Variants in LRBA observed in about 807,000 individuals in gnomAD.
The protein encoded by LRBA is lipopolysaccharide-responsive and beige-like anchor protein.
A neutral mutation model predicts 330.0 loss-of-function variants in LRBA; 176 were observed. The observed-to-expected ratio is 0.53, with a 90% CI of 0.47 to 0.60. LRBA has a LOEUF of 0.60. Ranked by LOEUF, LRBA falls within the 20% of genes least tolerant of loss-of-function variation. The pLI, the probability that LRBA is intolerant of heterozygous loss-of-function variation, is 0.00. For synonymous variants in LRBA, 1,230 were observed against 1,193.0 expected, an observed-to-expected ratio of 1.03 and a Z score of -0.64; for missense variants, 3,259 against 3,444.8, an observed-to-expected ratio of 0.95 and a Z score of 1.35.
At chr4:150,771,765 G>A (rs941232985) in intron 34 of LRBA, among the ~76,000 whole-genome samples, 1 of 152,188 alleles carries the variant, frequency 6.6e-6, no homozygotes, top group African/African-American at 2.4e-5. Flanking sequence ...TGGAAGTTCA[G>A]GTTGCTGAGT....
Position 150,785,038 on chromosome 4 carries a change from A to C in LRBA, c.5580+13043T>G, listed in dbSNP as rs558441330. Among the ~76,000 whole-genome samples, 195 of 152,326 alleles carry C rather than the reference A, an allele frequency of 1.3e-3. 1 individual carries two copies. The highest frequency in any genetic ancestry group is 2.5e-3 in the Admixed American group (38 of 15,304). On this transcript the variant is annotated intron_variant, in intron 34 of 56. Transcript: ENST00000651943. ...ATAGAGAAAAAATCGTTCATGCAGA[A>C]CCTGCTGTGCGTGAGATAAGAGTTT...
At chr4:150,742,475 A>G (rs936311683) in intron 35 of LRBA, among the ~76,000 whole-genome samples, 1 of 152,144 alleles carries the variant, frequency 6.6e-6, no homozygotes, top group Non-Finnish European at 1.5e-5. Context: ...TTTATATAAC[A>G]AAAGTGGCTA....
At chr4:150,626,635 A>G (rs1326919151) in intron 37 of LRBA, among the ~76,000 whole-genome samples, 2 of 152,172 alleles carry the variant, frequency 1.3e-5, no homozygotes, top group African/African-American at 4.8e-5. Flanking sequence ...ACTAATTTAT[A>G]GAAAAAAATG....
chr4:150,919,671 C>T (rs1016915777), intron 5 of LRBA, among the ~76,000 whole-genome samples: 2 of 152,100 alleles, frequency 1.3e-5, no homozygotes, highest in Non-Finnish European at 2.9e-5. Flanking sequence ...ATATTCAGTG[C>T]GTACACATGT....
chr4:150,812,483 T>G (rs1457316770), intron 31 of LRBA, among the ~76,000 whole-genome samples: 2 of 152,206 alleles, frequency 1.3e-5, no homozygotes, highest in African/African-American at 2.4e-5. Context: ...CAAATGCCAA[T>G]TTTTAACCCC....
chr4:150,429,012 G>C (rs934007626), intron 46 of LRBA, among the ~76,000 whole-genome samples: 3 of 152,024 alleles, frequency 2.0e-5, no homozygotes, highest in Non-Finnish European at 4.4e-5. Flanking sequence ...GTAGATTGTA[G>C]GGATAAACCA....
chr4:150,995,212 C>G (rs1202072305), intron 2 of LRBA, among the ~76,000 whole-genome samples: 1 of 151,910 alleles, frequency 6.6e-6, no homozygotes, highest in Non-Finnish European at 1.5e-5. Flanking sequence ...TCGAGAGATT[C>G]TGGGTTGGAA....
chr4:150,611,683 T>C (rs1044296494), intron 37 of LRBA, among the ~76,000 whole-genome samples: 3 of 152,210 alleles, frequency 2.0e-5, no homozygotes, highest in Admixed American at 6.5e-5. Context: ...TACAAGGCTC[T>C]ATCGCTTTTC....
At chr4:150,742,731 A>AT (rs1732186738) in intron 35 of LRBA, among the ~76,000 whole-genome samples, 1 of 152,038 alleles carries the variant, frequency 6.6e-6, no homozygotes, top group African/African-American at 2.4e-5. Flanking sequence ...CTACAAAAAA[A>AT]CACCAAAAAC....
At chr4:150,934,779 C>A (rs1159570074) in intron 2 of LRBA, among the ~76,000 whole-genome samples, 2 of 152,052 alleles carry the variant, frequency 1.3e-5, no homozygotes, top group Non-Finnish European at 2.9e-5. Context: ...GAGGCCGAGG[C>A]GGGCAAATTA....
chr4:150,540,523 G>T (rs1433885980), intron 40 of LRBA, among the ~76,000 whole-genome samples: 2 of 152,210 alleles, frequency 1.3e-5, no homozygotes, highest in East Asian at 3.9e-4. Context: ...TAAAAATGAA[G>T]ATTTTAAGGC....
chr4:150,783,490 C>A (rs192899085), intron 34 of LRBA, among the ~76,000 whole-genome samples: 129 of 152,244 alleles, frequency 8.5e-4, no homozygotes, highest in African/African-American at 2.9e-3. Flanking sequence ...TGATACACTG[C>A]AACAAGAATA....
intron 36 of LRBA, among the ~76,000 whole-genome samples, chr4:150,709,087 C>T (rs1785927096): frequency 6.6e-6 from 1 of 151,676 alleles, no homozygotes; most frequent in Admixed American, 6.6e-5. Flanking sequence ...CACAATAAAC[C>T]TTTTATTAAC....
chr4:150,361,375 T>A (rs1440626344), intron 47 of LRBA, among the ~76,000 whole-genome samples: 1 of 152,218 alleles, frequency 6.6e-6, no homozygotes, highest in Non-Finnish European at 1.5e-5. Context: ...TATTTATGTT[T>A]CCTTACCTCC....
At chr4:150,268,759 T>TAAAC (rs1238478971) in intron 56 of LRBA, among the ~76,000 whole-genome samples, 18 of 152,186 alleles carry the variant, frequency 1.2e-4, no homozygotes, top group Admixed American at 2.6e-4. Flanking sequence ...CCTCAAATGA[T>TAAAC]AAACAGCATG....
At chr4:150,465,815 T>C (rs1755377216) in intron 44 of LRBA, among the ~76,000 whole-genome samples, 2 of 152,174 alleles carry the variant, frequency 1.3e-5, no homozygotes, top group South Asian at 2.1e-4. Context: ...TAAGTAGATA[T>C]AGAAACTGGT....
At chr4:150,518,832 C>T (rs923748259) in intron 40 of LRBA, among the ~76,000 whole-genome samples, 2 of 152,074 alleles carry the variant, frequency 1.3e-5, no homozygotes, top group Non-Finnish European at 2.9e-5. Context: ...TTTTTTCTTA[C>T]CCATCTCTGA....
chr4:150,365,483 T>C (rs1443722590), intron 47 of LRBA, among the ~76,000 whole-genome samples: 1 of 152,136 alleles, frequency 6.6e-6, no homozygotes, highest in Non-Finnish European at 1.5e-5. Context: ...GTCCATGACA[T>C]TAGCAACTTA....
intron 36 of LRBA, among the ~76,000 whole-genome samples, chr4:150,724,453 A>T (rs1729385649): frequency 6.6e-6 from 1 of 152,290 alleles, no homozygotes; most frequent in Middle Eastern, 3.4e-3. Context: ...CTTCCCAAGG[A>T]CAACAGTCAC....
Sources: allele counts gnomAD v4.1 joint callset (sites outside exome capture counted in the v4.1 genomes callset), GRCh38; gene constraint gnomAD v4.1.1; transcripts MANE v1.5; gene names NCBI Gene and HGNC (gene_info 2026-07-23, HGNC 2026-07-21).